The following ZNF532 variants were observed in gnomAD, a reference collection of about 807,000 sequenced individuals.
ZNF532 encodes zinc finger protein 532.
A neutral mutation model predicts 89.3 loss-of-function variants in ZNF532; 22 were observed. That is an observed-to-expected ratio of 0.25 (90% confidence interval 0.18 to 0.35). The LOEUF (loss-of-function observed/expected upper bound fraction) is 0.35. ZNF532 is among the 10% of genes least tolerant of loss of function. The probability of loss-of-function intolerance (pLI) is 1.00; values close to 1 mark genes in which losing one functional copy is unlikely to be tolerated. For missense variants in ZNF532, 1,132 were observed against 1,643.4 expected (o/e 0.69, Z 5.38); for synonymous variants, 606 against 649.6 (o/e 0.93, Z 1.02).
At chr18:58,925,647 T>C (rs1012345879) in intron 3 of ZNF532, among the ~76,000 whole-genome samples, 7 of 152,234 alleles carry the variant, frequency 4.6e-5, no homozygotes, top group African/African-American at 1.7e-4. Flanking sequence ...TTCCATCTTA[T>C]GACCTCTGCT....
At chr18:58,889,124 C>T (rs1474557841) in intron 2 of ZNF532, among the ~76,000 whole-genome samples, 2 of 150,968 alleles carry the variant, frequency 1.3e-5, no homozygotes, top group Non-Finnish European at 2.9e-5. Flanking sequence ...TTAGAATATT[C>T]AGTGTACTTC....
At chr18:58,952,634 G>T (rs2064326801) in intron 6 of ZNF532, among the ~76,000 whole-genome samples, 1 of 152,120 alleles carries the variant, frequency 6.6e-6, no homozygotes, top group South Asian at 2.1e-4. Context: ...TCAAACTCCA[G>T]GCTTCAAGTG....
chr18:58,916,095 G>A (rs2060581920), intron 2 of ZNF532, among the ~76,000 whole-genome samples: 1 of 152,190 alleles, frequency 6.6e-6, no homozygotes, highest in Non-Finnish European at 1.5e-5. Context: ...GGTGTCTTGA[G>A]TTTTCTAATC....
intron 6 of ZNF532, among the ~76,000 whole-genome samples, chr18:58,951,189 T>G (rs1305486415): frequency 6.6e-6 from 1 of 152,174 alleles, no homozygotes; most frequent in African/African-American, 2.4e-5. Flanking sequence ...CTTGAACTCC[T>G]GGGCTCAAGT....
At chr18:58,893,599 GT>G in intron 2 of ZNF532, among the ~76,000 whole-genome samples, 1 of 150,622 alleles carries the variant, frequency 6.6e-6, no homozygotes, top group Non-Finnish European at 1.5e-5. Flanking sequence ...TGAGACCACA[GT>G]GACTCGTTAT....
intron 7 of ZNF532, among the ~76,000 whole-genome samples, chr18:58,975,499 G>T (rs1038759478): frequency 6.6e-6 from 1 of 152,236 alleles, no homozygotes; most frequent in Admixed American, 6.5e-5. Context: ...GGGAAGCCCC[G>T]TGGCAAACCG....
intron 2 of ZNF532, among the ~76,000 whole-genome samples, chr18:58,868,802 C>T (rs2056710721): frequency 6.6e-6 from 1 of 152,174 alleles, no homozygotes; most frequent in Non-Finnish European, 1.5e-5. Flanking sequence ...TAAATGCAGT[C>T]ACGTGTCGAT....
chr18:58,896,832 G>C (rs974266109), intron 2 of ZNF532, among the ~76,000 whole-genome samples: 1 of 152,194 alleles, frequency 6.6e-6, no homozygotes. Context: ...GATTTAGACA[G>C]GAGGAAGATA....
intron 5 of ZNF532, among the ~76,000 whole-genome samples, chr18:58,946,812 C>T (rs2063705157): frequency 6.6e-6 from 1 of 152,064 alleles, no homozygotes. Flanking sequence ...ATCTCAAGAC[C>T]TTGTAAAAAC....
chr18:58,985,765 A>AC lies in ZNF532; in HGVS notation c.*1301dup, dbSNP rs1208066363. The stretch of plus-strand genomic sequence containing the variant: ...GTATTTATCCCTGAACATGTTTTGT[A>AC]CCTTTTTTTTTTTTTTTTTTAAGAA... On this transcript the variant is annotated 3_prime_UTR_variant, in exon 10 of 10. Transcript: ENST00000591808. 2 of 83,600 alleles carry AC rather than the reference A, an allele frequency of 2.4e-5. No individual in the cohort carries two copies. The highest frequency in any genetic ancestry group is 9.7e-5 in the African/African-American group (2 of 20,602). The allele number at this position is 83,600 out of a possible 1,614,324, so 5.2% of individuals were successfully genotyped here. A position where few individuals can be genotyped will look rare whatever the true frequency, so the allele number is the denominator to read the frequency against.
At chr18:58,869,999 C>T (rs1318699077) in intron 2 of ZNF532, among the ~76,000 whole-genome samples, 3 of 149,654 alleles carry the variant, frequency 2.0e-5, no homozygotes, top group Non-Finnish European at 4.4e-5. Context: ...AACTCCTGAC[C>T]TTGTGATCCG....
intron 5 of ZNF532, among the ~76,000 whole-genome samples, chr18:58,943,028 T>TG (rs2063336641): frequency 6.6e-6 from 1 of 152,214 alleles, no homozygotes; most frequent in Non-Finnish European, 1.5e-5. Context: ...TGGGTACTGT[T>TG]GTAAGCACTT....
In ZNF532 at chr18:58,986,430, A is replaced by G. The variant is rs560077521; in HGVS notation, c.*1964A>G. 3 of 152,792 alleles carry G rather than the reference A, an allele frequency of 2.0e-5. No individual in the cohort carries two copies. Among genetic ancestry groups the G allele is most frequent in the African/African-American group, 7.2e-5 (3 of 41,580 alleles). The allele number at this position is 152,792 out of a possible 1,614,324, so 9.5% of individuals were successfully genotyped here. A position where few individuals can be genotyped will look rare whatever the true frequency, so the allele number is the denominator to read the frequency against. On this transcript the variant is annotated 3_prime_UTR_variant, in exon 10 of 10. Coordinates refer to ENST00000591808, the MANE Select transcript of ZNF532 (RefSeq NM_001375912.1). ...GCTCGCTCTATGTGGTTATGTACAT[A>G]TTGACAAATATTCATTTATTCAACA...
chr18:58,868,549 G>A (rs2056689667), intron 2 of ZNF532, among the ~76,000 whole-genome samples: 2 of 152,148 alleles, frequency 1.3e-5, no homozygotes, highest in African/African-American at 2.4e-5. Flanking sequence ...TAGAGTTTGG[G>A]CTTTCTAGAA....
upstream of ZNF532, chr18:58,864,036 G>A (rs2056208441): frequency 6.6e-6 from 1 of 152,180 alleles, no homozygotes; most frequent in Admixed American, 6.5e-5. Context: ...CAGGTTACGA[G>A]ACGGGGGCCA....
At chr18:58,949,746 C>G (rs1037025110) in intron 6 of ZNF532, among the ~76,000 whole-genome samples, 2 of 152,230 alleles carry the variant, frequency 1.3e-5, no homozygotes, top group Non-Finnish European at 1.5e-5. Context: ...TTATTCTAGT[C>G]TCATGTCAGC....
chr18:58,889,136 C>T (rs2058710348), intron 2 of ZNF532, among the ~76,000 whole-genome samples: 1 of 151,092 alleles, frequency 6.6e-6, no homozygotes, highest in Non-Finnish European at 1.5e-5. Flanking sequence ...GTGTACTTCT[C>T]CCCCAGACCT....
At chr18:58,976,062 A>C (rs1416994088) in intron 7 of ZNF532, among the ~76,000 whole-genome samples, 3 of 152,246 alleles carry the variant, frequency 2.0e-5, no homozygotes, top group African/African-American at 7.2e-5. Flanking sequence ...TTGGCAAAGT[A>C]CCTTCGAATA....
intron 2 of ZNF532, among the ~76,000 whole-genome samples, chr18:58,880,744 TCTCATAGGCGCGCGCGCACGCGCGC>T (rs2057812602): frequency 1.1e-5 from 1 of 88,884 alleles, no homozygotes; most frequent in African/African-American, 3.4e-5. Flanking sequence ...ATTTGAGCCC[TCTCATAGGCGCGCGCGCACGCGCGC>T]GCGTCTGTGT....
Sources: allele counts gnomAD v4.1 joint callset (sites outside exome capture counted in the v4.1 genomes callset), GRCh38; gene constraint gnomAD v4.1.1; transcripts MANE v1.5; gene names NCBI Gene and HGNC (gene_info 2026-07-23, HGNC 2026-07-21).